Variants in ZDHHC2 observed in about 807,000 individuals in gnomAD.
ZDHHC2 encodes zDHHC palmitoyltransferase 2, also known as palmitoyltransferase ZDHHC2.
ZDHHC2 carries 51 observed loss-of-function variants against 55.6 expected under a neutral mutation model. The ratio of observed to expected loss-of-function variants is 0.92; its 90% confidence interval spans 0.73 to 1.16. The LOEUF (loss-of-function observed/expected upper bound fraction) is 1.16. Among genes scored for constraint, ZDHHC2 ranks in the 50% most tolerant of loss-of-function variants. ZDHHC2 has a pLI of 0.00. For missense variants in ZDHHC2, 491 were observed against 442.4 expected (o/e 1.11, Z -0.99); for synonymous variants, 199 against 152.9 (o/e 1.30, Z -2.22).
At chr8:17,208,284 T>C (rs1807203972) in intron 8 of ZDHHC2, among the ~76,000 whole-genome samples, 192 bp downstream of exon 8, 1 of 149,682 alleles carries the variant, frequency 6.7e-6, no homozygotes, top group South Asian at 2.1e-4. Context: ...ATTGATTGTC[T>C]CATATATATG....
Position 17,199,849 on chromosome 8 carries a change from T to C in ZDHHC2, c.476+1436T>C, listed in dbSNP as rs571636558. 7.4e-5 allele frequency among the ~76,000 whole-genome samples: 11 copies of C among 148,918 alleles called. No individual in the cohort carries two copies. In the South Asian group the frequency reaches 1.5e-3, roughly 21 times the overall value. Reference sequence around the variant, plus strand: ...ATCTCAGCTCACTGCAACCTCTGCCTCCCGGGTTCAAGCGATTCTCCTGCC... The same window carrying C: ...ATCTCAGCTCACTGCAACCTCTGCCCCCCGGGTTCAAGCGATTCTCCTGCC... On this transcript the variant is annotated intron_variant, in intron 6 of 12. Transcript: ENST00000262096.
At chr8:17,179,268 C>T (rs1217169965) in intron 1 of ZDHHC2, among the ~76,000 whole-genome samples, 1 of 152,070 alleles carries the variant, frequency 6.6e-6, no homozygotes, top group Non-Finnish European at 1.5e-5. Flanking sequence ...GTCTTTCTTA[C>T]GGGAATGATC....
At chr8:17,198,269 C>G (rs1054354031) in intron 5 of ZDHHC2, 112 bp from the exon 6 acceptor site, 4 of 964,020 alleles carry the variant, frequency 4.1e-6, no homozygotes, top group Admixed American at 3.6e-5. Context: ...AATAATTTTG[C>G]AATATTTTAC....
intron 10 of ZDHHC2, among the ~76,000 whole-genome samples, chr8:17,214,584 A>G (rs1807551003): frequency 6.6e-6 from 1 of 152,160 alleles, no homozygotes; most frequent in African/African-American, 2.4e-5. Flanking sequence ...ATAAATGAGA[A>G]ACTCGCGTAA....
intron 6 of ZDHHC2, among the ~76,000 whole-genome samples, chr8:17,202,309 C>CTCGT (rs1554466994): frequency 1.3e-5 from 2 of 151,546 alleles, no homozygotes; most frequent in African/African-American, 4.9e-5. Context: ...CAACCTCCAC[C>CTCGT]TCCTGGGTAT....
At chr8:17,175,200 G>A (rs1805068242) in intron 1 of ZDHHC2, among the ~76,000 whole-genome samples, 1 of 152,184 alleles carries the variant, frequency 6.6e-6, no homozygotes, top group South Asian at 2.1e-4. Flanking sequence ...ACCAATGCAT[G>A]CCAAGCCCTG....
intron 6 of ZDHHC2, among the ~76,000 whole-genome samples, chr8:17,201,515 T>G (rs1455972343): frequency 2.7e-5 from 3 of 111,032 alleles, no homozygotes; most frequent in Non-Finnish European, 5.2e-5. Context: ...TTTTTTTAGA[T>G]GGAGTCTAGC....
At chr8:17,174,399 T>C (rs2150892864) in intron 1 of ZDHHC2, among the ~76,000 whole-genome samples, 1 of 152,318 alleles carries the variant, frequency 6.6e-6, no homozygotes, top group South Asian at 2.1e-4. Flanking sequence ...AGACTTGGAA[T>C]GCGATGAACA....
chr8:17,205,814 A>G (rs1807072274), intron 7 of ZDHHC2, 39 bp downstream of exon 7: 3 of 1,556,018 alleles, frequency 1.9e-6, no homozygotes, highest in Non-Finnish European at 1.7e-6. Flanking sequence ...TTGGTATACA[A>G]TAATAGATAA....
At position 17,184,778 on chromosome 8, in the gene ZDHHC2, T is replaced by C. The variant is rs1171373551; in HGVS notation, c.131-11T>C. On this transcript the variant is annotated splice_polypyrimidine_tract_variant and intron_variant, in intron 1 of 12. Transcript: ENST00000262096. ...CTTCATGTAACCTATTACCTTTTTT[T>C]CTCTTTACAGTGTCCATGGAAAACA... is the stretch of plus-strand genomic sequence containing the variant. 6.5e-7 allele frequency: 1 copy of C among 1,549,406 alleles called. No homozygotes were observed. The highest frequency in any genetic ancestry group is 8.7e-7 in the Non-Finnish European group (1 of 1,146,058).
rs1338309217 is a variant in ZDHHC2 at position 17,219,261 on chromosome 8, A to AAAAT, written c.*35-992_*35-991insTAAA. Among the ~76,000 whole-genome samples the AAAAT allele has an allele frequency of 1.0e-4, 15 of 150,302 alleles. 2 individuals carry two copies. The highest frequency in any genetic ancestry group is 3.0e-5 in the Non-Finnish European group (2 of 67,534). ...TGACAGAGCAAGACTCTAAAAAAAA[A>AAAAT]AAAAAAAAAAAAAAAAACAGAAAAA... On this transcript the variant is annotated intron_variant, in intron 12 of 12. Coordinates refer to ENST00000262096, the MANE Select transcript of ZDHHC2 (RefSeq NM_016353.5).
chr8:17,164,078 TAAG>T (rs1411871377), intron 1 of ZDHHC2, among the ~76,000 whole-genome samples: 1 of 152,180 alleles, frequency 6.6e-6, no homozygotes, highest in Non-Finnish European at 1.5e-5. Flanking sequence ...TCTGATTTCT[TAAG>T]AAGAATAGGA....
chr8:17,201,725 T>C (rs1349990913), intron 6 of ZDHHC2, among the ~76,000 whole-genome samples: 2 of 150,990 alleles, frequency 1.3e-5, no homozygotes, highest in Non-Finnish European at 2.9e-5. Flanking sequence ...CTCGATCTCC[T>C]GACCTTGTGA....
chr8:17,165,085 G>A (rs1238290282), intron 1 of ZDHHC2, among the ~76,000 whole-genome samples: 1 of 152,210 alleles, frequency 6.6e-6, no homozygotes, highest in African/African-American at 2.4e-5. Context: ...AAGTATTTTG[G>A]TAGGAAAGAC....
In ZDHHC2 at chr8:17,199,518, TTCG is replaced by T. The variant is rs1456663147; in HGVS notation, c.476+1108_476+1110del. On this transcript the variant is annotated intron_variant, in intron 6 of 12. Coordinates refer to ENST00000262096, the MANE Select transcript of ZDHHC2 (RefSeq NM_016353.5). The stretch of plus-strand genomic sequence containing the variant: ...CTTCTTCTTCTTCTTCTTCTTCGTC[TTCG>T]TCTTCGTCTTCTGTCTTCGTCTTCT... Among the ~76,000 whole-genome samples the T allele has an allele frequency of 1.2e-3, 49 of 39,494 alleles. 3 individuals are homozygous for T. The highest frequency in any genetic ancestry group is 2.0e-3 in the African/African-American group (35 of 17,518). The allele number at this position is 39,494 out of a possible 152,430, so 25.9% of individuals were successfully genotyped here. A position where few individuals can be genotyped will look rare whatever the true frequency, so the allele number is the denominator to read the frequency against.
At chr8:17,209,903 CAT>C in intron 8 of ZDHHC2, 27 bp from the exon 9 acceptor site, 1 of 1,591,212 alleles carries the variant, frequency 6.3e-7, no homozygotes, top group Non-Finnish European at 8.5e-7. Context: ...GTTCTTTACT[CAT>C]GTGATTCCTT....
chr8:17,212,838 G>C (rs1276936398), intron 10 of ZDHHC2, among the ~76,000 whole-genome samples: 1 of 151,282 alleles, frequency 6.6e-6, no homozygotes, highest in Non-Finnish European at 1.5e-5. Context: ...GGGTCTTCCT[G>C]TCTCTATTAA....
Position 17,209,917 on chromosome 8 carries a change from A to G in ZDHHC2, c.731-15A>G, listed in dbSNP as rs758741070. On this transcript the variant is annotated splice_polypyrimidine_tract_variant and intron_variant, in intron 8 of 12. Transcript: ENST00000262096. ...TGTTCTTTACTCATGTGATTCCTTT[A>G]CCATCTTTTTTTAGAGGCATTCAGA... is the stretch of plus-strand genomic sequence containing the variant. 8 of 1,602,274 alleles carry G rather than the reference A, an allele frequency of 5.0e-6. No individual in the cohort carries two copies. Among genetic ancestry groups the G allele is most frequent in the Non-Finnish European group, 6.8e-6 (8 of 1,175,406 alleles).
intron 1 of ZDHHC2, among the ~76,000 whole-genome samples, chr8:17,172,422 T>G (rs1265963214): frequency 6.6e-6 from 1 of 152,148 alleles, no homozygotes; most frequent in Non-Finnish European, 1.5e-5. Context: ...TGCCAGGGGC[T>G]GAAGGGAGAA....
Sources: allele counts gnomAD v4.1 joint callset (sites outside exome capture counted in the v4.1 genomes callset), GRCh38; gene constraint gnomAD v4.1.1; transcripts MANE v1.5; gene names NCBI Gene and HGNC (gene_info 2026-07-23, HGNC 2026-07-21).